Variants in MEGF6 observed in about 807,000 individuals in gnomAD.
MEGF6 encodes the protein multiple EGF like domains 6, also known as multiple epidermal growth factor-like domains protein 6.
A neutral mutation model predicts 207.1 loss-of-function variants in MEGF6; 184 were observed. The ratio of observed to expected loss-of-function variants is 0.89; its 90% confidence interval spans 0.79 to 1.00. The LOEUF (loss-of-function observed/expected upper bound fraction) is 1.00, where lower values mean the gene tolerates loss of function less well. Ranked by LOEUF, MEGF6 falls within the 50% of genes least tolerant of loss-of-function variation. MEGF6 has a pLI of 0.00. For missense variants in MEGF6, 2,282 were observed against 2,202.9 expected (o/e 1.04, Z -0.72); for synonymous variants, 1,038 against 910.0 (o/e 1.14, Z -2.53).
At chr1:3,518,205 T>C (rs1282560513) in intron 5 of MEGF6, among the ~76,000 whole-genome samples, 1 of 151,880 alleles carries the variant, frequency 6.6e-6, no homozygotes, top group Non-Finnish European at 1.5e-5. Flanking sequence ...GGTGGGGCCC[T>C]GACCAGGTAG....
intron 4 of MEGF6, among the ~76,000 whole-genome samples, chr1:3,535,693 T>C (rs931301636): frequency 5.9e-5 from 9 of 151,818 alleles, no homozygotes; most frequent in African/African-American, 1.9e-4. Flanking sequence ...TCCTGCCTTC[T>C]GCCCACGGCT....
At chr1:3,619,797 TG>T in the MEGF6 span, among the ~76,000 whole-genome samples, 4 of 152,164 alleles carry the variant, frequency 2.6e-5, no homozygotes, top group Non-Finnish European at 4.4e-5. Context: ...AGCAGGATAG[TG>T]GGCACTGATA....
chr1:3,577,849 C>T (rs944719329), intron 4 of MEGF6, among the ~76,000 whole-genome samples: 1 of 152,216 alleles, frequency 6.6e-6, no homozygotes, highest in Non-Finnish European at 1.5e-5. Flanking sequence ...CAATGCCAAA[C>T]CCCCAAAGAT....
Position 3,524,061 on chromosome 1 carries a change from C to A in MEGF6, c.604+63G>T, listed in dbSNP as rs1026636610. On this transcript the variant is annotated intron_variant, in intron 5 of 36. Transcript: ENST00000356575. ...CACCCTCTCAGGCCAGGCCTGGGCA[C>A]ACCCCAGAGGGTAGGGATGGCTGAA... 11 of 1,559,810 alleles carry A rather than the reference C, an allele frequency of 7.1e-6. No homozygotes were observed. The Admixed American group carries it at 7.2e-5, about 10-fold the overall frequency.
intron 12 of MEGF6, 59 bp downstream of exon 12, chr1:3,509,015 AG>A: frequency 6.9e-7 from 1 of 1,451,716 alleles, no homozygotes; most frequent in Non-Finnish European, 9.1e-7. Context: ...GCCTAGCCCG[AG>A]GGGTCGCTGG....
chr1:3,510,997 A>C, intron 9 of MEGF6, 95 bp from the exon 10 acceptor site: 7 of 1,483,254 alleles, frequency 4.7e-6, no homozygotes, highest in Non-Finnish European at 5.4e-6. Context: ...CACACAACCC[A>C]CGCGCCCGAC....
intron 1 of MEGF6, among the ~76,000 whole-genome samples, chr1:3,608,061 G>A (rs1022017122): frequency 2.6e-5 from 4 of 152,114 alleles, no homozygotes; most frequent in South Asian, 2.1e-4. Context: ...TCAGGACAGC[G>A]GCCCTGGAGG....
At position 3,595,448 on chromosome 1, in the gene MEGF6, CTA is replaced by C; in HGVS notation, c.267-3_267-2del. 6.2e-7 allele frequency: 1 copy of C among 1,611,654 alleles called. No individual in the cohort carries two copies. The highest frequency in any genetic ancestry group is 8.5e-7 in the Non-Finnish European group (1 of 1,179,074). ...CCTGTAGCCCATGTAGTAGACGGTT[CTA>C]GAAAGAAAGAGAGAAGGGAAGTGCT... is the stretch of plus-strand genomic sequence containing the variant. On this transcript the variant is annotated splice_acceptor_variant and splice_polypyrimidine_tract_variant and intron_variant, in intron 2 of 36. Coordinates refer to ENST00000356575, the MANE Select transcript of MEGF6 (RefSeq NM_001409.4). LOFTEE classifies it high-confidence loss of function.
At chr1:3,507,753 C>T (rs780350464) in intron 14 of MEGF6, 42 bp downstream of exon 14, 7 of 1,612,218 alleles carry the variant, frequency 4.3e-6, no homozygotes, top group Admixed American at 1.7e-5. Context: ...TCCCTTACAG[C>T]CCAGGGGTAA....
At chr1:3,613,877 G>A (rs184527697), upstream of MEGF6, among the ~76,000 whole-genome samples, 237 of 152,060 alleles carry the variant, frequency 1.6e-3, 1 homozygote, top group African/African-American at 5.2e-3. Context: ...AGGCACTGCC[G>A]CTGTGCTCTC....
At chr1:3,528,878 T>C (rs1452004025) in intron 4 of MEGF6, among the ~76,000 whole-genome samples, 3 of 152,138 alleles carry the variant, frequency 2.0e-5, no homozygotes, top group Non-Finnish European at 2.9e-5. Context: ...TGTCAGGTAA[T>C]AAATCCGTGC....
chr1:3,541,387 C>T (rs748585747), intron 4 of MEGF6, among the ~76,000 whole-genome samples: 4 of 152,274 alleles, frequency 2.6e-5, no homozygotes, highest in South Asian at 2.1e-4. Context: ...AGGAGACTCC[C>T]GTGGAAATGC....
At chr1:3,523,389 G>C (rs72853539) in intron 5 of MEGF6, among the ~76,000 whole-genome samples, 3,203 of 152,240 alleles carry the variant, frequency 0.021, 96 homozygotes, top group African/African-American at 0.073. Context: ...GCTCAGCCCT[G>C]TGCCGGTTCC....
At chr1:3,557,258 G>T (rs1023619323) in intron 4 of MEGF6, among the ~76,000 whole-genome samples, 3 of 152,236 alleles carry the variant, frequency 2.0e-5, no homozygotes, top group Non-Finnish European at 4.4e-5. Flanking sequence ...AGAGATCACA[G>T]ATCTGTGCTG....
At chr1:3,590,491 C>T (rs1322374224) in intron 3 of MEGF6, among the ~76,000 whole-genome samples, 1 of 152,216 alleles carries the variant, frequency 6.6e-6, no homozygotes, top group African/African-American at 2.4e-5. Context: ...GTCATGAGGC[C>T]CCACCGCCCC....
intron 4 of MEGF6, among the ~76,000 whole-genome samples, chr1:3,546,510 A>G (rs1642708358): frequency 6.6e-6 from 1 of 152,068 alleles, no homozygotes; most frequent in South Asian, 2.1e-4. Flanking sequence ...TGGGCCAGGA[A>G]GGAGGGTGCC....
chr1:3,508,532 C>G (rs377577499), intron 13 of MEGF6, 26 bp downstream of exon 13: 2 of 1,605,750 alleles, frequency 1.2e-6, no homozygotes, highest in African/African-American at 2.7e-5. Context: ...CCTTCCCAGC[C>G]CCCAGCCCCT....
At chr1:3,602,654 C>T in intron 1 of MEGF6, 54 bp from the exon 2 acceptor site, 3 of 1,560,112 alleles carry the variant, frequency 1.9e-6, no homozygotes, top group Non-Finnish European at 2.6e-6. Context: ...CCGGCAACAC[C>T]CACCCCTCCT....
intron 32 of MEGF6, 32 bp downstream of exon 32, chr1:3,494,339 C>T (rs1444063393): frequency 1.3e-6 from 2 of 1,528,036 alleles, no homozygotes; most frequent in East Asian, 2.5e-5. Flanking sequence ...CTCAAAGGGG[C>T]CCCAGCCCAG....
Sources: gnomAD v4.1 joint callset for allele counts (sites outside exome capture counted in the v4.1 genomes callset) on GRCh38, gnomAD v4.1.1 for gene constraint, MANE v1.5 for transcripts, NCBI Gene and HGNC (gene_info 2026-07-23, HGNC 2026-07-21) for gene names.